TAX1BP1: variants seen among roughly 807,000 people sequenced by gnomAD.
TAX1BP1 encodes tax1-binding protein 1.
TAX1BP1 carries 62 observed loss-of-function variants against 97.7 expected under a neutral mutation model. The observed-to-expected ratio is 0.63, with a 90% CI of 0.52 to 0.78. The LOEUF (loss-of-function observed/expected upper bound fraction) is 0.78, where lower values mean the gene tolerates loss of function less well. TAX1BP1 is among the 30% of genes least tolerant of loss of function. The probability of loss-of-function intolerance (pLI) is 0.00; values close to 1 mark genes in which losing one functional copy is unlikely to be tolerated. For missense variants in TAX1BP1, 867 were observed against 916.1 expected (o/e 0.95, Z 0.69); for synonymous variants, 340 against 304.2 (o/e 1.12, Z -1.23).
At chr7:27,776,758 A>G (rs1344324595) in intron 5 of TAX1BP1, among the ~76,000 whole-genome samples, 3 of 147,228 alleles carry the variant, frequency 2.0e-5, no homozygotes, top group African/African-American at 7.4e-5. Flanking sequence ...GGACTCGAGT[A>G]CACATATGTT....
At chr7:27,819,557 T>C (rs1002993990) in intron 15 of TAX1BP1, among the ~76,000 whole-genome samples, 4 of 152,200 alleles carry the variant, frequency 2.6e-5, no homozygotes, top group Admixed American at 2.0e-4. Flanking sequence ...CTCCAGTGAC[T>C]GTAGTTGTTC....
chr7:27,823,907 A>G (rs1333557190), intron 15 of TAX1BP1, among the ~76,000 whole-genome samples: 3 of 152,180 alleles, frequency 2.0e-5, no homozygotes, highest in African/African-American at 7.2e-5. Context: ...AATGACTTCA[A>G]GGTTCATCCA....
At chr7:27,807,192 C>CATA (rs1790371516) in intron 13 of TAX1BP1, among the ~76,000 whole-genome samples, 1 of 152,118 alleles carries the variant, frequency 6.6e-6, no homozygotes. Flanking sequence ...GAGGTGAAGA[C>CATA]ATAACAGTCC....
intron 5 of TAX1BP1, among the ~76,000 whole-genome samples, chr7:27,778,296 A>G (rs1021962085): frequency 6.6e-6 from 1 of 151,978 alleles, no homozygotes; most frequent in African/African-American, 2.4e-5. Context: ...GATGTAGTTG[A>G]TTTATATTTT....
At chr7:27,743,618 C>T (rs1787701013) in intron 1 of TAX1BP1, among the ~76,000 whole-genome samples, 1 of 152,146 alleles carries the variant, frequency 6.6e-6, no homozygotes, top group Admixed American at 6.5e-5. Flanking sequence ...AATTTTCAAA[C>T]ATACACAAAG....
intron 7 of TAX1BP1, among the ~76,000 whole-genome samples, chr7:27,786,526 C>T (rs1789488494): frequency 6.6e-6 from 1 of 152,106 alleles, no homozygotes; most frequent in South Asian, 2.1e-4. Context: ...TTAAGTGGCT[C>T]ATAAGCATTT....
At chr7:27,742,082 G>A in intron 1 of TAX1BP1, among the ~76,000 whole-genome samples, 1 of 152,236 alleles carries the variant, frequency 6.6e-6, no homozygotes, top group Middle Eastern at 3.4e-3. Context: ...ACGTACAATC[G>A]GGTTTTATAC....
At chr7:27,806,235 G>C (rs143759760) in intron 13 of TAX1BP1, among the ~76,000 whole-genome samples, 1 of 151,946 alleles carries the variant, frequency 6.6e-6, no homozygotes, top group East Asian at 1.9e-4. Context: ...ACAGGCTCCC[G>C]CCACCAAGCC....
intron 13 of TAX1BP1, among the ~76,000 whole-genome samples, chr7:27,813,055 ATTC>A (rs745421414): frequency 3.4e-4 from 51 of 151,090 alleles, no homozygotes; most frequent in Non-Finnish European, 5.7e-4. Context: ...CCTCATCTAT[ATTC>A]TTATGCCAAT....
chr7:27,778,606 T>C (rs1789125007), intron 5 of TAX1BP1, among the ~76,000 whole-genome samples: 1 of 152,184 alleles, frequency 6.6e-6, no homozygotes, highest in Non-Finnish European at 1.5e-5. Context: ...GGCTCACGCC[T>C]GTAATCCCAG....
chr7:27,780,662 C>T (rs1441405648), intron 5 of TAX1BP1, among the ~76,000 whole-genome samples: 1 of 151,962 alleles, frequency 6.6e-6, no homozygotes, highest in East Asian at 1.9e-4. Context: ...TTTGTTTTTG[C>T]CAATTGTCAT....
intron 13 of TAX1BP1, among the ~76,000 whole-genome samples, chr7:27,813,875 T>C (rs1790654784): frequency 6.6e-6 from 1 of 152,176 alleles, no homozygotes; most frequent in African/African-American, 2.4e-5. Context: ...TAATTTTCTT[T>C]CAATTTATGT....
intron 13 of TAX1BP1, among the ~76,000 whole-genome samples, chr7:27,812,752 C>T (rs1386020878): frequency 6.6e-6 from 1 of 152,148 alleles, no homozygotes; most frequent in Non-Finnish European, 1.5e-5. Flanking sequence ...AGAATTTCCT[C>T]TACATCTTGA....
intron 13 of TAX1BP1, among the ~76,000 whole-genome samples, chr7:27,815,634 T>C (rs1790737291): frequency 1.3e-5 from 2 of 152,234 alleles, no homozygotes; most frequent in Non-Finnish European, 2.9e-5. Context: ...TAATACTGGC[T>C]TTGTAAAACA....
chr7:27,770,048 T>G (rs183945419), intron 5 of TAX1BP1, among the ~76,000 whole-genome samples: 31 of 152,248 alleles, frequency 2.0e-4, no homozygotes, highest in African/African-American at 7.2e-4. Flanking sequence ...TTTAGACTTT[T>G]GGTACCAGGC....
At chr7:27,778,467 G>A (rs1789119846) in intron 5 of TAX1BP1, among the ~76,000 whole-genome samples, 1 of 152,000 alleles carries the variant, frequency 6.6e-6, no homozygotes, top group South Asian at 2.1e-4. Context: ...AATATAGATA[G>A]GTTCTGTAAG....
intron 2 of TAX1BP1, among the ~76,000 whole-genome samples, chr7:27,752,353 T>G (rs557278745): frequency 1.1e-3 from 162 of 152,314 alleles, no homozygotes; most frequent in African/African-American, 3.7e-3. Context: ...TACTGTGGAA[T>G]AATGTCATAG....
At chr7:27,740,329 CTT>C (rs1239092321) in intron 1 of TAX1BP1, 60 bp downstream of exon 1, 4 of 152,818 alleles carry the variant, frequency 2.6e-5, no homozygotes, top group African/African-American at 9.6e-5. Flanking sequence ...AGCTGCATCT[CTT>C]TTAGGGCTCG....
intron 15 of TAX1BP1, among the ~76,000 whole-genome samples, chr7:27,822,329 C>A (rs1029067293): frequency 6.6e-6 from 1 of 152,092 alleles, no homozygotes; most frequent in Non-Finnish European, 1.5e-5. Context: ...CTTTTTACTT[C>A]TTTGGGGAAA....
Sources: allele counts gnomAD v4.1 joint callset (sites outside exome capture counted in the v4.1 genomes callset), GRCh38; gene constraint gnomAD v4.1.1; transcripts MANE v1.5; gene names NCBI Gene and HGNC (gene_info 2026-07-23, HGNC 2026-07-21).